The following BICC1 variants were observed in gnomAD, a reference collection of about 807,000 sequenced individuals.
BICC1 encodes protein bicaudal C homolog 1.
A neutral mutation model predicts 111.0 loss-of-function variants in BICC1; 43 were observed. The ratio of observed to expected loss-of-function variants is 0.39; its 90% CI spans 0.30 to 0.50. The LOEUF is 0.50. BICC1 is among the 20% of genes least tolerant of loss of function. The pLI, the probability that BICC1 is intolerant of heterozygous loss-of-function variation, is 0.88. For missense variants in BICC1, 1,091 were observed against 1,203.2 expected (o/e 0.91, Z 1.38); for synonymous variants, 467 against 434.4 (o/e 1.07, Z -0.93).
intron 3 of BICC1, among the ~76,000 whole-genome samples, chr10:58,754,810 T>G (rs1245307456): frequency 2.0e-5 from 3 of 151,906 alleles, no homozygotes; most frequent in Non-Finnish European, 4.4e-5. Flanking sequence ...GAGCTCTGAC[T>G]GCAAGAAGAA....
chr10:58,660,812 C>T (rs1330335153), intron 2 of BICC1, among the ~76,000 whole-genome samples: 1 of 152,136 alleles, frequency 6.6e-6, no homozygotes, highest in Admixed American at 6.6e-5. Flanking sequence ...GAAAGTCACC[C>T]CAGGCGACTT....
chr10:58,639,988 G>A (rs1440953846), intron 2 of BICC1, among the ~76,000 whole-genome samples: 1 of 151,996 alleles, frequency 6.6e-6, no homozygotes, highest in Non-Finnish European at 1.5e-5. Flanking sequence ...TGAGAAACGG[G>A]GTCCAGTGCA....
At chr10:58,678,170 T>C (rs924440307) in intron 2 of BICC1, among the ~76,000 whole-genome samples, 2 of 152,192 alleles carry the variant, frequency 1.3e-5, no homozygotes, top group Non-Finnish European at 1.5e-5. Flanking sequence ...AGCGTCATAA[T>C]GACAGGGTCA....
chr10:58,747,625 T>G (rs1193050056), intron 3 of BICC1, among the ~76,000 whole-genome samples: 1 of 152,144 alleles, frequency 6.6e-6, no homozygotes, highest in East Asian at 1.9e-4. Flanking sequence ...ACATTTGAAA[T>G]TTACTCTTTC....
Position 58,527,369 on chromosome 10 carries a change from G to A in BICC1, c.190+14036G>A, listed in dbSNP as rs572165951. Among the ~76,000 whole-genome samples, 28 of 152,236 alleles carry A rather than the reference G, an allele frequency of 1.8e-4. No homozygotes were observed. The East Asian group carries it at 3.5e-3, about 19-fold the overall frequency. On this transcript the variant is annotated intron_variant, in intron 1 of 20. Transcript: ENST00000373886. ...GTAAAAATTTTCTCCTATTCTGTAC[G>A]TTGCCTGTTCACTCTGATGGTAGTT... is the stretch of plus-strand genomic sequence containing the variant.
intron 20 of BICC1, among the ~76,000 whole-genome samples, chr10:58,828,472 A>T (rs1844462222): frequency 6.6e-6 from 1 of 152,218 alleles, no homozygotes; most frequent in Non-Finnish European, 1.5e-5. Context: ...CCTCCAATAC[A>T]GTTTACAAAC....
In BICC1 at chr10:58,828,852, G is replaced by A. The variant is rs371063436; in HGVS notation, c.2886G>A (p.Gln962=). The A allele has an allele frequency of 1.2e-6, 2 of 1,613,970 alleles. No homozygotes were observed. Among genetic ancestry groups the A allele is most frequent in the African/African-American group, 1.3e-5 (1 of 75,038 alleles). Residue 962 remains glutamine, a synonymous_variant, in exon 21 of 21, where the codon CAG becomes CAA. Coordinates refer to ENST00000373886, the MANE Select transcript of BICC1 (RefSeq NM_001080512.3). ...EGGASGRLPR[Q]YHSDIASVSG... is the part of the protein sequence containing the mutation. Reference sequence around the variant, plus strand: ...GAGCGAGTGGAAGGCTACCCCGTCAGTATCACTCAGACATTGCTAGTGTCA... The same window carrying A: ...GAGCGAGTGGAAGGCTACCCCGTCAATATCACTCAGACATTGCTAGTGTCA...
chr10:58,601,139 CTT>C (rs1491557577), intron 1 of BICC1, among the ~76,000 whole-genome samples: 4,139 of 39,792 alleles, frequency 0.1, 150 homozygotes, highest in Middle Eastern at 0.26. Context: ...CATTTTAAAA[CTT>C]ATATATATAT....
In BICC1 at chr10:58,632,131, T is replaced by G. The variant is rs77432947; in HGVS notation, c.237+11230T>G. On this transcript the variant is annotated intron_variant, in intron 2 of 20. Coordinates refer to ENST00000373886, the MANE Select transcript of BICC1 (RefSeq NM_001080512.3). ...TTTGAATATCACTTTGTTGTCCTTT[T>G]CATATATTAATATGATGGGCTACCT... 6.4e-3 allele frequency among the ~76,000 whole-genome samples: 976 copies of G among 152,306 alleles called. 10 individuals are homozygous for G. Among genetic ancestry groups the G allele is most frequent in the African/African-American group, 0.022 (933 of 41,564 alleles).
chr10:58,753,254 A>G (rs564840441), intron 3 of BICC1, among the ~76,000 whole-genome samples: 36 of 152,116 alleles, frequency 2.4e-4, no homozygotes, highest in African/African-American at 7.5e-4. Flanking sequence ...CTGCAGACCC[A>G]ATTTACCAGG....
chr10:58,691,956 A>G (rs1020594614), intron 2 of BICC1, among the ~76,000 whole-genome samples: 1 of 152,222 alleles, frequency 6.6e-6, no homozygotes, highest in Admixed American at 6.5e-5. Flanking sequence ...AAAGCCTTAC[A>G]TAATTGTTGC....
At position 58,520,515 on chromosome 10, in the gene BICC1, A is replaced by G. The variant is rs1649029; in HGVS notation, c.190+7182A>G. 4.7e-3 allele frequency among the ~76,000 whole-genome samples: 714 copies of G among 152,296 alleles called. 3 individuals carry two copies. Among genetic ancestry groups the G allele is most frequent in the African/African-American group, 0.015 (614 of 41,574 alleles). The stretch of plus-strand genomic sequence containing the variant: ...GATGAAAATGTTTGTATTTGTAACA[A>G]GTATTAAATCTTGTTCCCATTTATG... On this transcript the variant is annotated intron_variant, in intron 1 of 20. Transcript: ENST00000373886.
chr10:58,629,889 T>C (rs1837740950), intron 2 of BICC1, among the ~76,000 whole-genome samples: 2 of 152,260 alleles, frequency 1.3e-5, no homozygotes, highest in South Asian at 2.1e-4. Context: ...GGCACTGTTA[T>C]TCAATTCAAC....
At chr10:58,825,434 G>C (rs1844366861) in intron 20 of BICC1, among the ~76,000 whole-genome samples, 1 of 152,150 alleles carries the variant, frequency 6.6e-6, no homozygotes, top group East Asian at 1.9e-4. Context: ...GAACGCATAT[G>C]TATGAAATAT....
chr10:58,727,868 T>C (rs1037347792), intron 3 of BICC1, among the ~76,000 whole-genome samples: 1 of 152,236 alleles, frequency 6.6e-6, no homozygotes, highest in African/African-American at 2.4e-5. Context: ...ATTTTTAGTT[T>C]ACCAATGCAT....
chr10:58,733,255 A>G (rs1320625738), intron 3 of BICC1, among the ~76,000 whole-genome samples: 3 of 152,232 alleles, frequency 2.0e-5, no homozygotes, highest in African/African-American at 7.2e-5. Flanking sequence ...TACCTAGTGC[A>G]TAGTAGGTGT....
chr10:58,762,221 A>G (rs1308340540), intron 3 of BICC1, among the ~76,000 whole-genome samples: 1 of 152,162 alleles, frequency 6.6e-6, no homozygotes, highest in South Asian at 2.1e-4. Flanking sequence ...AAGCTGGAGA[A>G]TGTACAAACA....
intron 3 of BICC1, among the ~76,000 whole-genome samples, chr10:58,729,515 A>G (rs897909010): frequency 2.6e-5 from 4 of 152,194 alleles, no homozygotes; most frequent in Non-Finnish European, 5.9e-5. Flanking sequence ...CTTTCTTCAT[A>G]TCAGCAATAA....
At chr10:58,733,578 C>T (rs2132569073) in intron 3 of BICC1, among the ~76,000 whole-genome samples, 1 of 152,328 alleles carries the variant, frequency 6.6e-6, no homozygotes, top group East Asian at 1.9e-4. Context: ...ACCTCAGATA[C>T]TCTCCTTCAC....
Sources: gnomAD v4.1 joint callset for allele counts (sites outside exome capture counted in the v4.1 genomes callset) on GRCh38, gnomAD v4.1.1 for gene constraint, MANE v1.5 for transcripts, NCBI Gene and HGNC (gene_info 2026-07-23, HGNC 2026-07-21) for gene names.